Variants in LRP1B observed in about 807,000 individuals in gnomAD.
The protein encoded by LRP1B is LDL receptor related protein 1B.
LRP1B carries 217 observed loss-of-function variants against 556.6 expected under a neutral mutation model. The observed-to-expected ratio is 0.39, with a 90% CI of 0.35 to 0.44. The LOEUF (loss-of-function observed/expected upper bound fraction) is 0.44, where lower values mean the gene tolerates loss of function less well. Among genes scored for constraint, LRP1B ranks in the 20% least tolerant of loss-of-function variants. The pLI, the probability that LRP1B is intolerant of heterozygous loss-of-function variation, is 1.00. For missense variants in LRP1B, 5,053 were observed against 5,620.8 expected, an observed-to-expected ratio of 0.90 and a Z score of 3.23; for synonymous variants, 2,047 against 1,865.8, an observed-to-expected ratio of 1.10 and a Z score of -2.50.
chr2:140,689,753 CTA>C (rs1686172794), intron 41 of LRP1B, among the ~76,000 whole-genome samples: 1 of 152,140 alleles, frequency 6.6e-6, no homozygotes, highest in Non-Finnish European at 1.5e-5. Flanking sequence ...GCCTCACTAA[CTA>C]TAATAATTCC....
rs575973967 is a variant in LRP1B at position 141,825,914 on chromosome 2, G to A, written c.83-15513C>T. On this transcript the variant is annotated intron_variant, in intron 1 of 90. Transcript: ENST00000389484. ...ACATATTTTCCCACATTATACCAAT[G>A]CTTGTTCATTTTTCCATAATAAAGA... Among the ~76,000 whole-genome samples the A allele has an allele frequency of 6.2e-4, 95 of 152,202 alleles. 1 individual carries two copies. Among genetic ancestry groups the A allele is most frequent in the African/African-American group, 2.2e-3 (91 of 41,556 alleles).
chr2:141,428,748 G>T (rs1236002142), intron 3 of LRP1B, among the ~76,000 whole-genome samples: 1 of 152,140 alleles, frequency 6.6e-6, no homozygotes, highest in Admixed American at 6.6e-5. Context: ...CATGGTGTTT[G>T]CCAGTCTCTA....
chr2:142,081,194 AG>A (rs1444453514), intron 1 of LRP1B, among the ~76,000 whole-genome samples: 3 of 152,178 alleles, frequency 2.0e-5, no homozygotes, highest in Non-Finnish European at 4.4e-5. Context: ...GTATTCAATA[AG>A]GCCTGAGAAA....
At chr2:142,074,146 C>T (rs1191494888) in intron 1 of LRP1B, among the ~76,000 whole-genome samples, 3 of 152,050 alleles carry the variant, frequency 2.0e-5, no homozygotes, top group African/African-American at 7.2e-5. Flanking sequence ...ATTTATCACC[C>T]CTCACTCATA....
intron 32 of LRP1B, among the ~76,000 whole-genome samples, chr2:140,808,211 A>T (rs1690791773): frequency 1.8e-5 from 1 of 56,008 alleles, no homozygotes; most frequent in African/African-American, 4.1e-5. Flanking sequence ...TTAAACAGTC[A>T]TTGCACTGTC....
At position 140,267,255 on chromosome 2, in the gene LRP1B, A is replaced by G. The variant is rs1217510719; in HGVS notation, c.13247+2987T>C. Among the ~76,000 whole-genome samples the G allele has an allele frequency of 2.6e-5, 4 of 152,004 alleles. No homozygotes were observed. The East Asian group carries it at 7.8e-4, about 29-fold the overall frequency. ...AAATATTTAGTAAAGGAATTGATGA[A>G]TAAACAATAACAGCGTAATTCTTCC... On this transcript the variant is annotated intron_variant, in intron 86 of 90. Coordinates refer to ENST00000389484, the MANE Select transcript of LRP1B (RefSeq NM_018557.3).
intron 60 of LRP1B, among the ~76,000 whole-genome samples, chr2:140,471,859 T>C (rs985046955): frequency 1.1e-4 from 16 of 152,182 alleles, no homozygotes; most frequent in African/African-American, 3.6e-4. Context: ...CTCCTTCTTA[T>C]ATGACTTCCA....
intron 31 of LRP1B, 79 bp from the exon 32 acceptor site, chr2:140,813,885 G>GT: frequency 9.8e-7 from 1 of 1,019,222 alleles, no homozygotes; most frequent in Non-Finnish European, 1.4e-6. Context: ...TGGATTTGAG[G>GT]GGAAAAAAAT....
At chr2:140,382,930 G>A (rs1487298856) in intron 67 of LRP1B, among the ~76,000 whole-genome samples, 1 of 152,106 alleles carries the variant, frequency 6.6e-6, no homozygotes, top group African/African-American at 2.4e-5. Context: ...ATACCATGGT[G>A]TTACAATTCC....
chr2:141,705,675 C>T (rs1692110047), intron 2 of LRP1B, among the ~76,000 whole-genome samples: 1 of 151,980 alleles, frequency 6.6e-6, no homozygotes, highest in African/African-American at 2.4e-5. Flanking sequence ...TTCACGAACT[C>T]AGACTTTATT....
At chr2:141,102,080 A>G (rs12691590) in intron 7 of LRP1B, among the ~76,000 whole-genome samples, 55,182 of 151,990 alleles carry the variant, frequency 0.36, 10,488 homozygotes, top group East Asian at 0.66. Flanking sequence ...TCAAAGCTAC[A>G]TTTTAACGGT....
At chr2:140,458,126 G>T (rs1256648977) in intron 60 of LRP1B, among the ~76,000 whole-genome samples, 1 of 151,998 alleles carries the variant, frequency 6.6e-6, no homozygotes, top group Non-Finnish European at 1.5e-5. Context: ...GATCCTGGAA[G>T]AAATGTGTCT....
chr2:141,952,073 TC>T (rs1701122490), intron 1 of LRP1B, among the ~76,000 whole-genome samples: 1 of 147,430 alleles, frequency 6.8e-6, no homozygotes, highest in African/African-American at 2.5e-5. Context: ...ATTGTTCAGT[TC>T]CCACCTATGA....
At chr2:141,942,426 T>A (rs1283330989) in intron 1 of LRP1B, among the ~76,000 whole-genome samples, 2 of 152,154 alleles carry the variant, frequency 1.3e-5, no homozygotes, top group Non-Finnish European at 2.9e-5. Flanking sequence ...TGCACTTCCT[T>A]TCCAGTGCTT....
At chr2:141,209,953 A>G (rs548221469) in intron 6 of LRP1B, among the ~76,000 whole-genome samples, 4 of 152,316 alleles carry the variant, frequency 2.6e-5, no homozygotes, top group African/African-American at 9.6e-5. Flanking sequence ...ATGAAGTTAC[A>G]CAGCTAGTTA....
chr2:141,153,357 T>C (rs1701977352), intron 7 of LRP1B, among the ~76,000 whole-genome samples: 1 of 118,044 alleles, frequency 8.5e-6, no homozygotes. Context: ...ATATTAGCTA[T>C]ATATATTTAT....
chr2:140,467,386 T>G (rs1374758119), intron 60 of LRP1B, among the ~76,000 whole-genome samples: 1 of 151,698 alleles, frequency 6.6e-6, no homozygotes, highest in Non-Finnish European at 1.5e-5. Flanking sequence ...GGTGGAGCAC[T>G]TGAGGTCAGG....
intron 1 of LRP1B, among the ~76,000 whole-genome samples, chr2:142,031,207 G>A (rs1165287271): frequency 6.6e-6 from 1 of 151,602 alleles, no homozygotes; most frequent in Non-Finnish European, 1.5e-5. Flanking sequence ...TGAGATAAAT[G>A]TGCATGTGAA....
chr2:141,692,663 G>A (rs189863888), intron 2 of LRP1B, among the ~76,000 whole-genome samples: 17 of 152,042 alleles, frequency 1.1e-4, no homozygotes, highest in African/African-American at 3.6e-4. Context: ...TCTGAGAAAC[G>A]TGTGCTTAGG....
Sources: allele counts gnomAD v4.1 joint callset (sites outside exome capture counted in the v4.1 genomes callset), GRCh38; gene constraint gnomAD v4.1.1; transcripts MANE v1.5; gene names NCBI Gene and HGNC (gene_info 2026-07-23, HGNC 2026-07-21).